The following METTL15 variants were observed in gnomAD, a reference collection of about 807,000 sequenced individuals.
METTL15 encodes 12S rRNA N(4)-cytidine methyltransferase METTL15.
In METTL15, 34 loss-of-function variants were observed where a neutral mutation model predicts 38.3. The ratio of observed to expected loss-of-function variants is 0.89; its 90% confidence interval spans 0.68 to 1.18. The LOEUF (loss-of-function observed/expected upper bound fraction) is 1.18, where lower values mean the gene tolerates loss of function less well. Among genes scored for constraint, METTL15 ranks in the 50% most tolerant of loss-of-function variants. METTL15 has a pLI of 0.00. For synonymous variants in METTL15, 162 were observed against 170.9 expected (o/e 0.95, Z 0.41); for missense variants, 438 against 498.4 (o/e 0.88, Z 1.15).
chr11:28,307,987 G>A (rs1454306825), intron 6 of METTL15, among the ~76,000 whole-genome samples: 1 of 152,018 alleles, frequency 6.6e-6, no homozygotes, highest in Admixed American at 6.5e-5. Context: ...GACAAATTAT[G>A]AGAGTATGTT....
intron 4 of METTL15, among the ~76,000 whole-genome samples, chr11:28,275,622 T>A (rs1855811517): frequency 7.3e-6 from 1 of 137,106 alleles, no homozygotes; most frequent in Non-Finnish European, 1.5e-5. Flanking sequence ...CACCCTGACG[T>A]CAAAACCAGA....
chr11:28,392,488 A>G (rs563113646), intron 5 of METTL15, among the ~76,000 whole-genome samples: 2 of 152,252 alleles, frequency 1.3e-5, no homozygotes, highest in African/African-American at 4.8e-5. Context: ...AATGTGGAAA[A>G]GATAGTCTCT....
At chr11:28,305,913 G>A (rs1415393431) in intron 6 of METTL15, among the ~76,000 whole-genome samples, 1 of 152,060 alleles carries the variant, frequency 6.6e-6, no homozygotes, top group African/African-American at 2.4e-5. Flanking sequence ...ATGAATTACA[G>A]ACATGAAAAG....
At position 28,218,835 on chromosome 11, in the gene METTL15, G is replaced by T. The variant is rs1424671845; in HGVS notation, c.407+7637G>T. ...AGATAATCATGTGGTTTTTGTCGTTGGTTCTGTTTATATGCTGGAATACGT... is the reference window on the plus strand; with the variant it reads ...AGATAATCATGTGGTTTTTGTCGTTTGTTCTGTTTATATGCTGGAATACGT... On this transcript the variant is annotated intron_variant, in intron 4 of 6. Coordinates refer to ENST00000407364, the MANE Select transcript of METTL15 (RefSeq NM_001113528.2). Among the ~76,000 whole-genome samples, 4 of 152,068 alleles carry T rather than the reference G, an allele frequency of 2.6e-5. No homozygotes were observed. The East Asian group carries it at 7.7e-4, about 29-fold the overall frequency.
chr11:28,318,408 A>C (rs1849345791), intron 6 of METTL15, among the ~76,000 whole-genome samples: 1 of 152,118 alleles, frequency 6.6e-6, no homozygotes, highest in Non-Finnish European at 1.5e-5. Context: ...TGGAGAAGAC[A>C]GCACATTAGT....
At chr11:28,114,238 G>A (rs1851847458) in intron 3 of METTL15, among the ~76,000 whole-genome samples, 1 of 152,002 alleles carries the variant, frequency 6.6e-6, no homozygotes, top group South Asian at 2.1e-4. Flanking sequence ...ATAGATATGT[G>A]GCATTTTTTA....
chr11:28,290,445 C>T, intron 5 of METTL15, 48 bp downstream of exon 5: 1 of 1,531,240 alleles, frequency 6.5e-7, no homozygotes, highest in Non-Finnish European at 8.9e-7. Context: ...ATCAATTTGT[C>T]AAAAACACTC....
intron 4 of METTL15, among the ~76,000 whole-genome samples, chr11:28,288,960 A>G (rs1454414153): frequency 2.0e-5 from 3 of 152,134 alleles, no homozygotes; most frequent in South Asian, 2.1e-4. Context: ...AGTTAAAACA[A>G]TGACTCTCCT....
chr11:28,422,375 T>A (rs1850827881), intron 5 of METTL15, among the ~76,000 whole-genome samples: 1 of 151,824 alleles, frequency 6.6e-6, no homozygotes, highest in African/African-American at 2.4e-5. Context: ...GACCCAGATA[T>A]CCAAAACTAT....
At chr11:28,132,895 G>A (rs1034479664) in intron 3 of METTL15, among the ~76,000 whole-genome samples, 2 of 151,840 alleles carry the variant, frequency 1.3e-5, no homozygotes, top group African/African-American at 4.8e-5. Context: ...TTACAAAATT[G>A]GTGTTTGTAT....
chr11:28,324,849 C>T (rs190028951), intron 6 of METTL15, among the ~76,000 whole-genome samples: 85 of 152,196 alleles, frequency 5.6e-4, no homozygotes, highest in African/African-American at 1.8e-3. Flanking sequence ...CAATCGGGGC[C>T]GTAGGCAGGT....
chr11:28,430,832 G>A (rs1457169649), intron 6 of METTL15, among the ~76,000 whole-genome samples: 5 of 82,294 alleles, frequency 6.1e-5, no homozygotes, highest in African/African-American at 1.2e-4. Flanking sequence ...CCGGCCAGCC[G>A]CCTGGTCCGG....
At chr11:28,344,957 A>G (rs370712188) in intron 3 of METTL15, among the ~76,000 whole-genome samples, 1 of 152,214 alleles carries the variant, frequency 6.6e-6, no homozygotes, top group African/African-American at 2.4e-5. Context: ...CATGTAATCA[A>G]TATAAAAATG....
chr11:28,448,370 G>A (rs1316174433), intron 6 of METTL15, among the ~76,000 whole-genome samples: 1 of 152,096 alleles, frequency 6.6e-6, no homozygotes, highest in African/African-American at 2.4e-5. Flanking sequence ...TATTTATTGA[G>A]TTCTCATTAT....
chr11:28,110,837 C>T (rs1851687200), intron 2 of METTL15, among the ~76,000 whole-genome samples: 1 of 152,174 alleles, frequency 6.6e-6, no homozygotes, highest in African/African-American at 2.4e-5. Flanking sequence ...TTTATGCTCT[C>T]AACAGCCAAA....
At chr11:28,189,241 A>G (rs1040360707) in intron 3 of METTL15, among the ~76,000 whole-genome samples, 1 of 151,298 alleles carries the variant, frequency 6.6e-6, no homozygotes, top group Non-Finnish European at 1.5e-5. Flanking sequence ...TGAGCATATA[A>G]AAATTGCTAC....
chr11:28,477,440 C>A (rs1015516434), intron 6 of METTL15: 1 of 152,124 alleles, frequency 6.6e-6, no homozygotes, highest in African/African-American at 2.4e-5. Context: ...CCTTGGCCTC[C>A]CAAAGTGCTG....
intron 2 of METTL15, among the ~76,000 whole-genome samples, chr11:28,111,898 A>G (rs1267779977): frequency 6.6e-6 from 1 of 152,170 alleles, no homozygotes; most frequent in Non-Finnish European, 1.5e-5. Context: ...CTTAGGCATA[A>G]TTAATAATTT....
At chr11:28,437,851 G>A (rs960487695) in intron 6 of METTL15, among the ~76,000 whole-genome samples, 1 of 152,160 alleles carries the variant, frequency 6.6e-6, no homozygotes, top group African/African-American at 2.4e-5. Flanking sequence ...CAAATGATGT[G>A]ATTAGTTACA....
Sources: allele counts gnomAD v4.1 joint callset (sites outside exome capture counted in the v4.1 genomes callset), GRCh38; gene constraint gnomAD v4.1.1; transcripts MANE v1.5; gene names NCBI Gene and HGNC (gene_info 2026-07-23, HGNC 2026-07-21).